The following DPYD variants were observed in gnomAD, a reference collection of about 807,000 sequenced individuals.
DPYD encodes dihydropyrimidine dehydrogenase, also known as dihydropyrimidine dehydrogenase [NADP(+)].
DPYD carries 109 observed loss-of-function variants against 116.2 expected under a neutral mutation model. The ratio of observed to expected loss-of-function variants is 0.94; its 90% CI spans 0.80 to 1.10. The LOEUF (loss-of-function observed/expected upper bound fraction) is 1.10. DPYD is among the 50% of genes least tolerant of loss of function. The pLI is 0.00. For synonymous variants in DPYD, 440 were observed against 432.0 expected (o/e 1.02, Z -0.23); for missense variants, 1,302 against 1,254.5 (o/e 1.04, Z -0.57).
Position 97,425,305 on chromosome 1 carries a change from G to T in DPYD, c.1905+24754C>A, listed in dbSNP as rs577669446. ...ACAGATTATGAAAGTGATCTCCAAT[G>T]ATTTGCCTATTTAGAATCTTTCGGT... is the stretch of plus-strand genomic sequence containing the variant. On this transcript the variant is annotated intron_variant, in intron 14 of 22. Transcript: ENST00000370192. Among the ~76,000 whole-genome samples the T allele has an allele frequency of 2.2e-4, 33 of 152,124 alleles. 2 individuals carry two copies. In the South Asian group the frequency reaches 6.6e-3, roughly 31 times the overall value.
At chr1:97,461,986 CTG>C (rs1677059370) in intron 13 of DPYD, among the ~76,000 whole-genome samples, 1 of 152,186 alleles carries the variant, frequency 6.6e-6, no homozygotes, top group Admixed American at 6.5e-5. Flanking sequence ...AACTTCCTGT[CTG>C]TGTCCTCTCA....
chr1:97,536,940 T>C (rs1427519672), intron 12 of DPYD, among the ~76,000 whole-genome samples: 2 of 152,222 alleles, frequency 1.3e-5, no homozygotes, highest in Non-Finnish European at 2.9e-5. Context: ...ATTAAGCCTG[T>C]GCAATTTAAA....
chr1:97,571,226 A>G (rs1462271503), intron 11 of DPYD, among the ~76,000 whole-genome samples: 1 of 152,018 alleles, frequency 6.6e-6, no homozygotes, highest in Non-Finnish European at 1.5e-5. Context: ...CTTGGAAAGG[A>G]ATAGTTAAAA....
chr1:97,408,836 T>C (rs775325817), intron 14 of DPYD, among the ~76,000 whole-genome samples: 2 of 152,122 alleles, frequency 1.3e-5, no homozygotes, highest in Admixed American at 6.5e-5. Flanking sequence ...CGGCCTTCAG[T>C]CTCATGCTGG....
chr1:97,175,418 T>C (rs968713176), intron 20 of DPYD, among the ~76,000 whole-genome samples: 2 of 152,206 alleles, frequency 1.3e-5, no homozygotes, highest in Non-Finnish European at 2.9e-5. Context: ...ACCTGTGTGA[T>C]GACATATAAG....
At chr1:97,509,103 G>A (rs11165887) in intron 13 of DPYD, among the ~76,000 whole-genome samples, 42,945 of 151,846 alleles carry the variant, frequency 0.28, 6,174 homozygotes, top group East Asian at 0.48. Flanking sequence ...TGAGTGAGAA[G>A]AACTAATATC....
chr1:97,762,090 A>G (rs1665606231), intron 3 of DPYD, among the ~76,000 whole-genome samples: 3 of 152,118 alleles, frequency 2.0e-5, no homozygotes, highest in African/African-American at 7.2e-5. Context: ...AATAATCTGT[A>G]CACCAAACCC....
chr1:97,724,301 GGGGGGGGTGTGTGT>G (rs1663097816), intron 4 of DPYD, among the ~76,000 whole-genome samples: 1 of 15,512 alleles, frequency 6.4e-5, no homozygotes, highest in African/African-American at 2.3e-4. Context: ...TGTGGGGGGG[GGGGGGGGTGTGTGT>G]GTGTGTGTGT....
intron 2 of DPYD, among the ~76,000 whole-genome samples, chr1:97,840,544 T>C (rs1669988477): frequency 6.6e-6 from 1 of 152,186 alleles, no homozygotes; most frequent in African/African-American, 2.4e-5. Flanking sequence ...TTATTTTTTA[T>C]GATGTCTTCA....
At chr1:97,479,765 G>T (rs1310892029) in intron 13 of DPYD, among the ~76,000 whole-genome samples, 2 of 152,154 alleles carry the variant, frequency 1.3e-5, no homozygotes, top group African/African-American at 2.4e-5. Context: ...AGGTATGTTT[G>T]GAATAAGGTA....
At chr1:97,168,171 G>T (rs548489957) in intron 20 of DPYD, among the ~76,000 whole-genome samples, 25 of 152,120 alleles carry the variant, frequency 1.6e-4, no homozygotes, top group Non-Finnish European at 3.2e-4. Flanking sequence ...TTTTCTTAGG[G>T]AAATCAGAAT....
At chr1:97,128,753 T>G (rs968640306) in intron 20 of DPYD, among the ~76,000 whole-genome samples, 1 of 152,212 alleles carries the variant, frequency 6.6e-6, no homozygotes, top group South Asian at 2.1e-4. Flanking sequence ...TCTGGAATTG[T>G]GCTATGCTAA....
intron 8 of DPYD, among the ~76,000 whole-genome samples, chr1:97,630,314 T>C (rs779780410): frequency 7.2e-5 from 11 of 152,256 alleles, no homozygotes; most frequent in Non-Finnish European, 1.6e-4. Flanking sequence ...CCAGTTACTT[T>C]TGTTTTGTTT....
chr1:97,643,593 C>A (rs1658062454), intron 8 of DPYD, among the ~76,000 whole-genome samples: 1 of 151,974 alleles, frequency 6.6e-6, no homozygotes, highest in South Asian at 2.1e-4. Context: ...GGGTATATAC[C>A]CAAAGGATGA....
chr1:97,691,031 A>T (rs2100948197), intron 7 of DPYD, among the ~76,000 whole-genome samples: 1 of 152,264 alleles, frequency 6.6e-6, no homozygotes, highest in South Asian at 2.1e-4. Context: ...TTATTAATCT[A>T]TTGTGTTATA....
Position 97,920,793 on chromosome 1 carries a change from G to T in DPYD, c.39+91C>A, listed in dbSNP as rs962648237. On this transcript the variant is annotated intron_variant, in intron 1 of 22. Coordinates refer to ENST00000370192, the MANE Select transcript of DPYD (RefSeq NM_000110.4). ...TTTCCCGCGTCTCTCACTCTCCGGG[G>T]TGCGGGGGCCGCGGGGGCCTCCCCG... 83 of 1,511,902 alleles carry T rather than the reference G, an allele frequency of 5.5e-5. 2 individuals are homozygous for T. The South Asian group carries it at 9.7e-4, about 18-fold the overall frequency. 93.7% of individuals were successfully genotyped at this position (1,511,902 alleles called of 1,614,324 possible).
chr1:97,410,829 C>G (rs574846014), intron 14 of DPYD, among the ~76,000 whole-genome samples: 20 of 151,994 alleles, frequency 1.3e-4, no homozygotes, highest in African/African-American at 4.6e-4. Flanking sequence ...ATTATGTTTC[C>G]TAGTTTACAT....
At chr1:97,451,910 C>T (rs770420854) in intron 13 of DPYD, among the ~76,000 whole-genome samples, 6 of 152,068 alleles carry the variant, frequency 3.9e-5, no homozygotes, top group Non-Finnish European at 7.4e-5. Context: ...GTAAGTCCAA[C>T]CTAGGCCACA....
intron 14 of DPYD, among the ~76,000 whole-genome samples, chr1:97,447,643 G>T (rs1204711441): frequency 6.6e-6 from 1 of 151,696 alleles, no homozygotes; most frequent in African/African-American, 2.4e-5. Context: ...TTATCTCCAG[G>T]GAAACTGAAA....
Sources: gnomAD v4.1 joint callset for allele counts (sites outside exome capture counted in the v4.1 genomes callset) on GRCh38, gnomAD v4.1.1 for gene constraint, MANE v1.5 for transcripts, NCBI Gene and HGNC (gene_info 2026-07-23, HGNC 2026-07-21) for gene names.